Variants in INPP1 observed in about 807,000 individuals in gnomAD.
INPP1 encodes inositol polyphosphate-1-phosphatase.
A neutral mutation model predicts 23.0 loss-of-function variants in INPP1; 18 were observed. The observed-to-expected ratio is 0.78, with a 90% CI of 0.54 to 1.16. The LOEUF is 1.16. INPP1 is among the 50% of genes most tolerant of loss of function. INPP1 has a pLI of 0.00. For synonymous variants in INPP1, 164 were observed against 176.3 expected (o/e 0.93, Z 0.55); for missense variants, 448 against 482.1 (o/e 0.93, Z 0.66).
In INPP1 at chr2:190,352,492, G is replaced by A. The variant is rs1689342249; in HGVS notation, c.-65+3461G>A. Reference sequence around the variant, plus strand: ...TAAAAGGCAGTATTGCAAATCTCTAGTAAGGCTTGTAGTACAGTTTCCCTC... The same window carrying A: ...TAAAAGGCAGTATTGCAAATCTCTAATAAGGCTTGTAGTACAGTTTCCCTC... On this transcript the variant is annotated intron_variant, in intron 2 of 6. Coordinates refer to ENST00000392329, the MANE Select transcript of INPP1 (RefSeq NM_001128928.2). The surrounding 1 kb of genome is among the most constrained non-coding windows in gnomAD (Gnocchi z 4.7). 6.6e-6 allele frequency among the ~76,000 whole-genome samples: 1 copy of A among 152,194 alleles called. No individual in the cohort carries two copies.
At chr2:190,359,556 CAA>C (rs756661265) in intron 2 of INPP1, 35 of 61,296 alleles carry the variant, frequency 5.7e-4, no homozygotes, top group Non-Finnish European at 7.6e-4. Context: ...GACTCCGTCT[CAA>C]AAAAAAAAAA....
At chr2:190,369,552 G>C (rs1689758637) in intron 6 of INPP1, among the ~76,000 whole-genome samples, 1 of 152,184 alleles carries the variant, frequency 6.6e-6, no homozygotes, top group African/African-American at 2.4e-5. Flanking sequence ...CCTGTTCCCT[G>C]TTTCTAGAAT....
intron 1 of INPP1, among the ~76,000 whole-genome samples, chr2:190,348,395 A>G (rs973361975): frequency 1.3e-5 from 2 of 152,162 alleles, no homozygotes; most frequent in Non-Finnish European, 2.9e-5. Flanking sequence ...GGTAAAAGAT[A>G]TCTAATATCA....
chr2:190,350,147 ATT>A (rs780140669), intron 2 of INPP1, among the ~76,000 whole-genome samples: 4 of 152,212 alleles, frequency 2.6e-5, no homozygotes, highest in Non-Finnish European at 5.9e-5. Context: ...GCCCAGACAA[ATT>A]TTAAGGTATT....
intron 4 of INPP1, among the ~76,000 whole-genome samples, chr2:190,365,376 G>A (rs1689624387): frequency 6.6e-6 from 1 of 152,148 alleles, no homozygotes. Flanking sequence ...TAAGTTAAAA[G>A]CAATATCATA....
chr2:190,371,632 T>A lies in INPP1; in HGVS notation c.*230T>A. The A allele has an allele frequency of 2.6e-6, 1 of 388,494 alleles. No individual in the cohort carries two copies. The highest frequency in any genetic ancestry group is 4.6e-6 in the Non-Finnish European group (1 of 219,762). 24.1% of individuals were successfully genotyped at this position (388,494 alleles called of 1,614,324 possible). On this transcript the variant is annotated 3_prime_UTR_variant, in exon 7 of 7. Coordinates refer to ENST00000392329, the MANE Select transcript of INPP1 (RefSeq NM_001128928.2). This position sits in a 1 kb window ranked among gnomAD's most constrained non-coding sequence, Gnocchi z 5.3. ...ACAGTGAATATTGTGCTGTTAGTGCTGCTTGAAACATTTCAATAAAATATT... is the reference window on the plus strand; with the variant it reads ...ACAGTGAATATTGTGCTGTTAGTGCAGCTTGAAACATTTCAATAAAATATT...
intron 3 of INPP1, among the ~76,000 whole-genome samples, chr2:190,362,295 C>T (rs1222589713): frequency 6.6e-6 from 1 of 152,142 alleles, no homozygotes; most frequent in Non-Finnish European, 1.5e-5. Context: ...TAAAACATGT[C>T]CTTTGCAAAT....
intron 6 of INPP1, 49 bp downstream of exon 6, chr2:190,369,326 C>A: frequency 9.8e-7 from 1 of 1,022,458 alleles, no homozygotes; most frequent in Non-Finnish European, 1.4e-6. Context: ...AACTTACGAC[C>A]TCAGCTTTGC....
chr2:190,359,098 G>C (rs1689481634), intron 2 of INPP1, among the ~76,000 whole-genome samples: 1 of 152,074 alleles, frequency 6.6e-6, no homozygotes. Flanking sequence ...GCAAGAGTTT[G>C]AGATTAGCCT....
At chr2:190,366,191 C>T (rs1305787357) in intron 4 of INPP1, among the ~76,000 whole-genome samples, 19 of 88,640 alleles carry the variant, frequency 2.1e-4, no homozygotes, top group Non-Finnish European at 3.5e-4. Context: ...CTCTCTGTCT[C>T]TTGCTCTGTC....
Position 190,367,200 on chromosome 2 carries a change from C to T in INPP1, c.466+305C>T, listed in dbSNP as rs1005527846. ...ACTTCTCTTCAAAAGACTTCAGGGA[C>T]CAGACTGGTAAGTAAATGAGAGAAT... On this transcript the variant is annotated intron_variant, in intron 5 of 6. Coordinates refer to ENST00000392329, the MANE Select transcript of INPP1 (RefSeq NM_001128928.2). The surrounding 1 kb of genome is among the most constrained non-coding windows in gnomAD (Gnocchi z 4.1). Among the ~76,000 whole-genome samples, 1 of 152,004 alleles carries T rather than the reference C, an allele frequency of 6.6e-6. No individual in the cohort carries two copies. Among genetic ancestry groups the T allele is most frequent in the Non-Finnish European group, 1.5e-5 (1 of 68,024 alleles).
At chr2:190,348,559 C>T (rs911975737) in intron 1 of INPP1, among the ~76,000 whole-genome samples, 2 of 152,192 alleles carry the variant, frequency 1.3e-5, no homozygotes, top group African/African-American at 4.8e-5. Context: ...CCTCTCTTCC[C>T]AGCCCTAGTA....
intron 6 of INPP1, among the ~76,000 whole-genome samples, chr2:190,369,617 G>A (rs2124946542): frequency 6.6e-6 from 1 of 152,326 alleles, no homozygotes; most frequent in East Asian, 1.9e-4. Context: ...AATACATTGG[G>A]AATAAGACAG....
intron 1 of INPP1, 118 bp from the exon 2 acceptor site, chr2:190,348,770 G>A (rs546247120): frequency 4.6e-5 from 7 of 152,274 alleles, no homozygotes; most frequent in African/African-American, 1.7e-4. Flanking sequence ...TATATGAGAA[G>A]TAGATATAAA....
Position 190,369,241 on chromosome 2 carries a change from A to G in INPP1, c.605A>G (p.Asn202Ser). ...GGGGTTCCCCTGATGGGAGTCATCAATCAACCTTTTGTGTCACGAGATCCA... is the reference window on the plus strand; with the variant it reads ...GGGGTTCCCCTGATGGGAGTCATCAGTCAACCTTTTGTGTCACGAGATCCA... ...QTGVPLMGVI[N>S]QPFVSRDPNT... The change falls in exon 6 of 7, where the codon AAT (asparagine) becomes AGT (serine). Residue 202 changes from asparagine (N) to serine (S), a missense_variant. By Grantham distance (46) the Asn-to-Ser change is conservative. Coordinates refer to ENST00000392329, the MANE Select transcript of INPP1 (RefSeq NM_001128928.2). The G allele has an allele frequency of 1.3e-6, 2 of 1,597,992 alleles. No homozygotes were observed.
rs945961936 is a variant in INPP1 at position 190,352,311 on chromosome 2, A to G, written c.-65+3280A>G. Among the ~76,000 whole-genome samples the G allele has an allele frequency of 4.6e-5, 7 of 152,232 alleles. No individual in the cohort carries two copies. The highest frequency in any genetic ancestry group is 3.3e-4 in the Admixed American group (5 of 15,280). ...TAATCAGAGCCCATGAGGTAATGAC[A>G]GCAACATCACCCGGATCAACATGAA... is the stretch of plus-strand genomic sequence containing the variant. On this transcript the variant is annotated intron_variant, in intron 2 of 6. Coordinates refer to ENST00000392329, the MANE Select transcript of INPP1 (RefSeq NM_001128928.2). This position sits in a 1 kb window ranked among gnomAD's most constrained non-coding sequence, Gnocchi z 4.7.
chr2:190,365,988 GCT>G (rs1483772981), intron 4 of INPP1, among the ~76,000 whole-genome samples: 1 of 17,320 alleles, frequency 5.8e-5, no homozygotes, highest in African/African-American at 4.4e-4. Flanking sequence ...GCTCTGTCTC[GCT>G]CTCTCTCGCT....
chr2:190,358,424 G>C (rs958316834), intron 2 of INPP1, among the ~76,000 whole-genome samples: 1 of 152,176 alleles, frequency 6.6e-6, no homozygotes, highest in Non-Finnish European at 1.5e-5. Flanking sequence ...CACCATGTTA[G>C]CCAGGCTGGT....
chr2:190,364,606 T>TTTTTTTTTTTTG (rs796196740), intron 4 of INPP1, among the ~76,000 whole-genome samples: 1,765 of 96,084 alleles, frequency 0.018, 157 homozygotes, highest in African/African-American at 0.045. Context: ...TTTTTTTTTT[T>TTTTTTTTTTTTG]GTTAGATGGA....
Sources: gnomAD v4.1 joint callset for allele counts (sites outside exome capture counted in the v4.1 genomes callset) on GRCh38, gnomAD v4.1.1 for gene constraint, Gnocchi (gnomAD v3.1) non-coding constraint, MANE v1.5 for transcripts, NCBI Gene and HGNC (gene_info 2026-07-23, HGNC 2026-07-21) for gene names.